CCDC63: variants seen among roughly 807,000 people sequenced by gnomAD.
CCDC63 encodes the protein coiled-coil domain-containing protein 63.
A neutral mutation model predicts 63.6 loss-of-function variants in CCDC63; 54 were observed. That is an observed-to-expected ratio of 0.85 (90% CI 0.68 to 1.07). CCDC63 has a LOEUF of 1.07. CCDC63 is among the 50% of genes least tolerant of loss of function. The pLI is 0.00. For synonymous variants in CCDC63, 253 were observed against 266.1 expected, an observed-to-expected ratio of 0.95 and a Z score of 0.48; for missense variants, 637 against 689.6, an observed-to-expected ratio of 0.92 and a Z score of 0.86.
chr12:110,866,029 G>A (rs1329843176), intron 4 of CCDC63, among the ~76,000 whole-genome samples: 2 of 152,166 alleles, frequency 1.3e-5, no homozygotes, highest in Non-Finnish European at 2.9e-5. Flanking sequence ...CCAGGCTGGA[G>A]TGTAGTGGTG....
chr12:110,867,755 A>AC (rs529238371), intron 4 of CCDC63, among the ~76,000 whole-genome samples: 1,594 of 123,766 alleles, frequency 0.013, 68 homozygotes, highest in African/African-American at 0.048. Context: ...CGGGGGGCTG[A>AC]CCCCCCCATC....
At chr12:110,876,879 C>CAAAAAAAAA (rs57300765) in intron 5 of CCDC63, among the ~76,000 whole-genome samples, 2 of 110,968 alleles carry the variant, frequency 1.8e-5, no homozygotes. Flanking sequence ...ACTAAAAATA[C>CAAAAAAAAA]AAAAAAAAAA....
Position 110,904,758 on chromosome 12 carries a change from G to C in CCDC63, c.1513G>C (p.Gly505Arg). The C allele has an allele frequency of 6.2e-7, 1 of 1,612,432 alleles. No homozygotes were observed. Among genetic ancestry groups the C allele is most frequent in the Non-Finnish European group, 8.5e-7 (1 of 1,179,534 alleles). ...CATCAAAGTCATCCCCCCAGTGCTG[G>C]GGGCTGACCCCTTCAGCGACAGGTT... ...EPIKVIPPVL[G>R]ADPFSDRLDD... The change falls in exon 11 of 12, where the codon GGG becomes CGG. Residue 505 changes from glycine to arginine, a missense_variant. Physicochemically the swap from Gly to Arg is moderately radical, Grantham distance 125. Transcript: ENST00000308208.
chr12:110,853,906 T>C lies in CCDC63; in HGVS notation c.179+332T>C, dbSNP rs578160988. ...ACATGACTTCTGTTCTCTCTCTCTC[T>C]GAATTTCAGCCTCAGCTGGTGGGAA... On this transcript the variant is annotated intron_variant, in intron 3 of 11. Transcript: ENST00000308208. Among the ~76,000 whole-genome samples the C allele has an allele frequency of 2.6e-5, 4 of 152,336 alleles. No homozygotes were observed. The South Asian group carries it at 8.3e-4, about 32-fold the overall frequency.
chr12:110,884,026 C>T lies in CCDC63; in HGVS notation c.854-4C>T. The stretch of plus-strand genomic sequence containing the variant: ...GTCACAGTGGCTGATTTTTCCTTTC[C>T]TAGCTCTCAAGGCAAAGAAGCATGT... On this transcript the variant is annotated splice_region_variant and splice_polypyrimidine_tract_variant and intron_variant, in intron 7 of 11. Coordinates refer to ENST00000308208, the MANE Select transcript of CCDC63 (RefSeq NM_152591.3). The T allele has an allele frequency of 6.2e-7, 1 of 1,612,720 alleles. No individual in the cohort carries two copies. The highest frequency in any genetic ancestry group is 8.5e-7 in the Non-Finnish European group (1 of 1,178,914).
chr12:110,845,240 TG>T (rs1412863583), upstream of CCDC63, among the ~76,000 whole-genome samples: 1 of 152,230 alleles, frequency 6.6e-6, no homozygotes, highest in African/African-American at 2.4e-5. Flanking sequence ...TTTCAGTCGT[TG>T]ACACTTGAAA....
chr12:110,853,555 C>A lies in CCDC63; in HGVS notation c.160C>A (p.Gln54Lys), dbSNP rs2070733951. The A allele has an allele frequency of 6.8e-6, 11 of 1,614,166 alleles. No homozygotes were observed. The highest frequency in any genetic ancestry group is 8.5e-6 in the Non-Finnish European group (10 of 1,180,040). ...SRKSFKFRNQ[Q>K]KIASQYKEIK... ...GAAGTCTTTTAAGTTCCGAAACCAG[C>A]AGAAGATTGCGAGTCAGTAGTAAGT... is the stretch of plus-strand genomic sequence containing the variant. The change falls in exon 3 of 12, where the codon CAG becomes AAG. Residue 54 changes from glutamine to lysine, a missense_variant. Physicochemically the swap from Gln to Lys is moderately conservative, Grantham distance 53 (BLOSUM62 1). Coordinates refer to ENST00000308208, the MANE Select transcript of CCDC63 (RefSeq NM_152591.3).
Position 110,884,137 on chromosome 12 carries a change from C to T in CCDC63, c.961C>T (p.Gln321Ter). ...GCTGGCTGAGAGTGGGAACCTAAAC[C>T]AGCTCATTGAAGATTTTCTGGCCAA... ...LKLAESGNLN[Q>*]LIEDFLAKEE... Residue 321 changes from glutamine to a stop codon, truncating the protein, a stop_gained, in exon 8 of 12, where the codon CAG becomes TAG. Coordinates refer to ENST00000308208, the MANE Select transcript of CCDC63 (RefSeq NM_152591.3). LOFTEE classifies it high-confidence loss of function. 6.2e-7 allele frequency: 1 copy of T among 1,614,124 alleles called. No homozygotes were observed. The highest frequency in any genetic ancestry group is 1.3e-5 in the African/African-American group (1 of 75,026).
chr12:110,851,462 G>A (rs988244497), intron 1 of CCDC63, among the ~76,000 whole-genome samples: 1 of 152,098 alleles, frequency 6.6e-6, no homozygotes, highest in Admixed American at 6.5e-5. Context: ...ATTCACTCTG[G>A]TTGGACTAGC....
intron 11 of CCDC63, among the ~76,000 whole-genome samples, chr12:110,906,014 AAT>A (rs1566144755): frequency 2.3e-4 from 1 of 4,368 alleles, no homozygotes; most frequent in South Asian, 0.014. Flanking sequence ...TATATAATAT[AAT>A]ATATATTATA....
At chr12:110,864,438 A>G (rs900050319) in intron 4 of CCDC63, among the ~76,000 whole-genome samples, 38 of 149,608 alleles carry the variant, frequency 2.5e-4, no homozygotes, top group Admixed American at 4.7e-4. Context: ...AAAAAAAAAA[A>G]AGAGACTGGG....
At chr12:110,848,133 T>C (rs2070663044) in intron 1 of CCDC63, among the ~76,000 whole-genome samples, 1 of 152,236 alleles carries the variant, frequency 6.6e-6, no homozygotes, top group Non-Finnish European at 1.5e-5. Flanking sequence ...CTACTGGCTC[T>C]AGGCAGTTAC....
chr12:110,856,074 C>A (rs989648780), intron 3 of CCDC63, among the ~76,000 whole-genome samples: 1 of 150,912 alleles, frequency 6.6e-6, no homozygotes, highest in South Asian at 2.1e-4. Context: ...CTCTGAAAAC[C>A]TCTTTTTTTT....
At position 110,904,641 on chromosome 12, in the gene CCDC63, A is replaced by G. The variant is rs574092598; in HGVS notation, c.1396A>G (p.Ile466Val). The part of the protein sequence containing the change: ...DLLLLETYRR[I>V]LEVEGAEAEI... ...GCTGCTGTTGGAGACCTACAGGCGC[A>G]TCCTGGAAGTGGAAGGGGCAGAGGC... The change falls in exon 11 of 12, where the codon ATC (isoleucine) becomes GTC (valine). Residue 466 changes from isoleucine to valine, a missense_variant. Coordinates refer to ENST00000308208, the MANE Select transcript of CCDC63 (RefSeq NM_152591.3). 6.2e-7 allele frequency: 1 copy of G among 1,614,080 alleles called. No homozygotes were observed. The highest frequency in any genetic ancestry group is 2.2e-5 in the East Asian group (1 of 44,860).
chr12:110,879,877 C>T, intron 5 of CCDC63, 29 bp from the exon 6 acceptor site: 1 of 1,606,200 alleles, frequency 6.2e-7, no homozygotes, highest in Non-Finnish European at 8.5e-7. Context: ...AGAAATGAGA[C>T]CTGTTTTGAA....
intron 3 of CCDC63, among the ~76,000 whole-genome samples, chr12:110,857,024 C>T (rs1456184174): frequency 6.6e-6 from 1 of 151,842 alleles, no homozygotes; most frequent in Non-Finnish European, 1.5e-5. Flanking sequence ...AGGCTGGTCG[C>T]AAACTCCTGA....
intron 3 of CCDC63, 70 bp downstream of exon 3, chr12:110,853,644 G>T (rs1045423413): frequency 1.9e-6 from 3 of 1,579,646 alleles, no homozygotes; most frequent in African/African-American, 1.3e-5. Flanking sequence ...CATGTTGCTT[G>T]TCTTCTGTTC....
At chr12:110,860,868 C>T (rs538426526) in intron 4 of CCDC63, among the ~76,000 whole-genome samples, 24 of 152,296 alleles carry the variant, frequency 1.6e-4, no homozygotes, top group African/African-American at 5.1e-4. Flanking sequence ...GGATGACAGG[C>T]GTGAGCCGCG....
chr12:110,884,356 T>A (rs938518278), intron 8 of CCDC63, 106 bp downstream of exon 8: 6 of 821,534 alleles, frequency 7.3e-6, no homozygotes, highest in Non-Finnish European at 8.2e-6. Flanking sequence ...AGAAAGCAGT[T>A]TGGCCAACAC....
Sources: gnomAD v4.1 joint callset for allele counts (sites outside exome capture counted in the v4.1 genomes callset) on GRCh38, gnomAD v4.1.1 for gene constraint, MANE v1.5 for transcripts, NCBI Gene and HGNC (gene_info 2026-07-23, HGNC 2026-07-21) for gene names.